The following SNX10 variants were observed in gnomAD, a reference collection of about 807,000 sequenced individuals.
The protein encoded by SNX10 is sorting nexin-10.
Under a neutral mutation model 28.5 loss-of-function variants are expected in SNX10, and 25 were observed. That is an observed-to-expected ratio of 0.88 (90% CI 0.64 to 1.22). The LOEUF is 1.22. Among genes scored for constraint, SNX10 ranks in the 50% most tolerant of loss-of-function variants. SNX10 has a pLI of 0.00. For missense variants in SNX10, 223 were observed against 242.6 expected, an observed-to-expected ratio of 0.92 and a Z score of 0.54; for synonymous variants, 62 against 81.4, an observed-to-expected ratio of 0.76 and a Z score of 1.28.
At chr7:26,340,020 A>G (rs1435546249) in intron 1 of SNX10, among the ~76,000 whole-genome samples, 5 of 152,100 alleles carry the variant, frequency 3.3e-5, no homozygotes, top group Non-Finnish European at 2.9e-5. Context: ...TTTTTAAATA[A>G]TGATATAAAC....
intron 1 of SNX10, among the ~76,000 whole-genome samples, chr7:26,340,047 T>C (rs10238717): frequency 0.2 from 30,081 of 152,072 alleles, 3,528 homozygotes; most frequent in East Asian, 0.44. Flanking sequence ...TGTTATTCCT[T>C]ATTTCATCAT....
intron 1 of SNX10, among the ~76,000 whole-genome samples, chr7:26,308,397 C>A (rs972080754): frequency 3.9e-5 from 6 of 152,190 alleles, no homozygotes; most frequent in South Asian, 2.1e-4. Flanking sequence ...AACAGACAGG[C>A]CTTTCTGGGT....
At chr7:26,330,703 GT>G (rs1787712614) in intron 1 of SNX10, among the ~76,000 whole-genome samples, 1 of 152,122 alleles carries the variant, frequency 6.6e-6, no homozygotes, top group African/African-American at 2.4e-5. Context: ...GGAGGAGGGT[GT>G]TTTGGACATG....
At chr7:26,328,809 T>C (rs149206351) in intron 1 of SNX10, among the ~76,000 whole-genome samples, 5 of 152,306 alleles carry the variant, frequency 3.3e-5, no homozygotes, top group African/African-American at 1.2e-4. Flanking sequence ...TTTGTCTCCT[T>C]CTCCTGCAAC....
At chr7:26,305,483 C>G (rs1470995665) in intron 1 of SNX10, among the ~76,000 whole-genome samples, 1 of 152,202 alleles carries the variant, frequency 6.6e-6, no homozygotes, top group Admixed American at 6.5e-5. Context: ...GCTCTTCCTG[C>G]TGCCCCCGAA....
chr7:26,354,256 G>C lies in SNX10; in HGVS notation c.25-6719G>C, dbSNP rs372836553. ...TTAACGATGTCGAACATCTTTCTAC[G>C]TGCTTGTTTGCCATCTGTATGCCCT... On this transcript the variant is annotated intron_variant, in intron 2 of 6. Coordinates refer to ENST00000338523, the MANE Select transcript of SNX10 (RefSeq NM_013322.3). 81 of 152,274 alleles carry C rather than the reference G, an allele frequency of 5.3e-4. 1 individual carries two copies. Among genetic ancestry groups the C allele is most frequent in the African/African-American group, 1.9e-3 (78 of 41,552 alleles). The allele number at this position is 152,274 out of a possible 1,614,324, so 9.4% of individuals were successfully genotyped here.
chr7:26,295,215 C>A (rs975676563), intron 1 of SNX10, among the ~76,000 whole-genome samples: 2 of 151,922 alleles, frequency 1.3e-5, no homozygotes, highest in Non-Finnish European at 2.9e-5. Flanking sequence ...TATATGATGT[C>A]ATTTTTACTT....
intron 2 of SNX10, among the ~76,000 whole-genome samples, chr7:26,350,136 C>A (rs185249930): frequency 3.9e-5 from 6 of 152,366 alleles, no homozygotes; most frequent in Admixed American, 2.6e-4. Context: ...TTTAGAGATT[C>A]ATCCCTTTAG....
intron 2 of SNX10, among the ~76,000 whole-genome samples, chr7:26,358,805 G>GTTTTGTTT (rs1554360947): frequency 6.0e-5 from 6 of 100,100 alleles, no homozygotes; most frequent in East Asian, 6.2e-4. Context: ...GTTATCTTGT[G>GTTTTGTTT]TTTTTTTTTT....
intron 1 of SNX10, among the ~76,000 whole-genome samples, chr7:26,336,281 G>A (rs1787943793): frequency 1.3e-5 from 2 of 151,366 alleles, no homozygotes; most frequent in African/African-American, 2.4e-5. Context: ...AAAAAAGGAA[G>A]TAAAAATCAG....
chr7:26,365,903 A>G lies in SNX10; in HGVS notation c.311+758A>G, dbSNP rs113239771. On this transcript the variant is annotated intron_variant, in intron 5 of 6. Coordinates refer to ENST00000338523, the MANE Select transcript of SNX10 (RefSeq NM_013322.3). ...CTCCTCTGCCTGTGTCTTCCCATCT[A>G]TAAAATGGGGTAATCATAGTACCTA... Among the ~76,000 whole-genome samples the G allele has an allele frequency of 1.1e-3, 172 of 152,312 alleles. 1 individual carries two copies. Among genetic ancestry groups the G allele is most frequent in the Non-Finnish European group, 1.6e-3 (111 of 68,032 alleles).
intron 1 of SNX10, among the ~76,000 whole-genome samples, chr7:26,325,753 A>C (rs1227511848): frequency 2.0e-5 from 3 of 147,592 alleles, no homozygotes; most frequent in African/African-American, 7.6e-5. Context: ...TTTGAGATGG[A>C]GTCTCACTCT....
chr7:26,338,088 A>G (rs979945864), intron 1 of SNX10, among the ~76,000 whole-genome samples: 14 of 149,536 alleles, frequency 9.4e-5, no homozygotes, highest in Admixed American at 9.3e-4. Context: ...TCTTTGGAGA[A>G]ACGTCTATCA....
At chr7:26,335,802 G>A (rs1787910680) in intron 1 of SNX10, among the ~76,000 whole-genome samples, 1 of 133,272 alleles carries the variant, frequency 7.5e-6, no homozygotes, top group Admixed American at 8.5e-5. Context: ...GGAGTGCTGT[G>A]GCGCGATCTC....
At chr7:26,307,291 A>G (rs576009010) in intron 1 of SNX10, among the ~76,000 whole-genome samples, 6 of 152,068 alleles carry the variant, frequency 3.9e-5, no homozygotes, top group African/African-American at 1.4e-4. Context: ...ACACCCTAAC[A>G]TGTTCCAGTT....
At chr7:26,293,996 A>G (rs1295604925) in intron 1 of SNX10, among the ~76,000 whole-genome samples, 1 of 152,142 alleles carries the variant, frequency 6.6e-6, no homozygotes, top group Non-Finnish European at 1.5e-5. Context: ...TTTGCTCGTT[A>G]AGTTACTGGG....
intron 1 of SNX10, among the ~76,000 whole-genome samples, chr7:26,338,559 A>G (rs572776188): frequency 6.6e-6 from 1 of 151,748 alleles, no homozygotes; most frequent in Non-Finnish European, 1.5e-5. Context: ...CCGCCACCAC[A>G]CCTGGCTAAT....
At chr7:26,294,187 G>A (rs1270642020) in intron 1 of SNX10, among the ~76,000 whole-genome samples, 2 of 152,174 alleles carry the variant, frequency 1.3e-5, no homozygotes, top group Non-Finnish European at 2.9e-5. Context: ...CCCAAATTTA[G>A]CATTGTTATC....
At chr7:26,335,575 C>T (rs564698680) in intron 1 of SNX10, among the ~76,000 whole-genome samples, 1 of 149,550 alleles carries the variant, frequency 6.7e-6, no homozygotes, top group East Asian at 1.9e-4. Flanking sequence ...AGGAGCAGGA[C>T]CTTGGTAGGC....
Sources: allele counts gnomAD v4.1 joint callset (sites outside exome capture counted in the v4.1 genomes callset), GRCh38; gene constraint gnomAD v4.1.1; transcripts MANE v1.5; gene names NCBI Gene and HGNC (gene_info 2026-07-23, HGNC 2026-07-21).